LDB1: variants seen among roughly 807,000 people sequenced by gnomAD.
LDB1 encodes the protein LIM domain binding 1.
Under a neutral mutation model 49.7 loss-of-function variants are expected in LDB1, and 6 were observed. That is an observed-to-expected ratio of 0.12 (90% CI 0.07 to 0.24). The LOEUF (loss-of-function observed/expected upper bound fraction) is 0.24. Ranked by LOEUF, LDB1 falls within the 10% of genes least tolerant of loss-of-function variation. LDB1 has a pLI of 1.00. For missense variants in LDB1, 341 were observed against 561.7 expected (o/e 0.61, Z 3.97); for synonymous variants, 233 against 202.0 (o/e 1.15, Z -1.30).
chr10:102,108,393 C>G, intron 10 of LDB1, 70 bp from the exon 11 acceptor site: 1 of 1,214,996 alleles, frequency 8.2e-7, no homozygotes, highest in Non-Finnish European at 1.2e-6. Context: ...GCAGATACCC[C>G]CAGAGCCCCA....
intron 1 of LDB1, among the ~76,000 whole-genome samples, chr10:102,112,116 G>A (rs1179767916): frequency 1.3e-5 from 2 of 152,222 alleles, no homozygotes; most frequent in African/African-American, 2.4e-5. Context: ...CTAGATGACA[G>A]AAGAGGAATT....
intron 1 of LDB1, among the ~76,000 whole-genome samples, chr10:102,111,801 A>G (rs1209090843): frequency 6.6e-6 from 1 of 152,150 alleles, no homozygotes; most frequent in African/African-American, 2.4e-5. Flanking sequence ...AAGTGAGCGG[A>G]GATCATACCA....
At chr10:102,105,389 G>C (rs995813912), downstream of LDB1, among the ~76,000 whole-genome samples, 6 of 152,114 alleles carry the variant, frequency 3.9e-5, no homozygotes, top group Non-Finnish European at 4.4e-5. Flanking sequence ...CCCTTCCTCT[G>C]GTGTCTTCCT....
At chr10:102,114,974 G>C in intron 1 of LDB1, 1 of 426,942 alleles carries the variant, frequency 2.3e-6, no homozygotes, top group Non-Finnish European at 3.1e-6. Context: ...CTCCCTCCCC[G>C]CTCGCTCTCT....
intron 1 of LDB1, among the ~76,000 whole-genome samples, chr10:102,111,965 G>A (rs2133513985): frequency 6.6e-6 from 1 of 152,026 alleles, no homozygotes; most frequent in East Asian, 1.9e-4. Flanking sequence ...AGAGAGTGGT[G>A]GACTAGGGGA....
At chr10:102,114,744 TTCCTCTCTCC>T in intron 1 of LDB1, 2 of 838,776 alleles carry the variant, frequency 2.4e-6, no homozygotes, top group Non-Finnish European at 2.9e-6. Context: ...GCTCCGCTCT[TTCCTCTCTCC>T]TCCTCCTCCT....
chr10:102,120,258 C>T lies in LDB1; in HGVS notation c.-148G>A, dbSNP rs2068400591. On this transcript the variant is annotated 5_prime_UTR_variant, in exon 1 of 11. Transcript: ENST00000673968. The stretch of plus-strand genomic sequence containing the variant: ...CGGCCTCGGCCCGGTGCGGGCGGCC[C>T]CTGGCTGCGGCGAGGGGCCTGTCAG... The T allele has an allele frequency of 1.0e-6, 1 of 983,180 alleles. No homozygotes were observed. The highest frequency in any genetic ancestry group is 6.3e-5 in the Admixed American group (1 of 15,986). 60.9% of individuals were successfully genotyped at this position (983,180 alleles called of 1,614,324 possible). A position where few individuals can be genotyped will look rare whatever the true frequency, so the allele number is the denominator to read the frequency against.
At chr10:102,105,955 T>C (rs2068155205), downstream of LDB1, among the ~76,000 whole-genome samples, 1 of 151,880 alleles carries the variant, frequency 6.6e-6, no homozygotes, top group Non-Finnish European at 1.5e-5. Context: ...CCAGCCTGGG[T>C]AATGGAGCAA....
intron 1 of LDB1, chr10:102,114,647 C>CGGGGGCCA (rs2068307415): frequency 1.1e-6 from 1 of 938,134 alleles, no homozygotes; most frequent in South Asian, 5.0e-5. Flanking sequence ...GGCCGGGGGC[C>CGGGGGCCA]GGGGGCCAGG....
In LDB1 at chr10:102,109,791, T is replaced by C; in HGVS notation, c.649-108A>G. ...ACTCCTGAGAGAGGATAGTCTCTTATTAAACCTGCTGTTCAGATGAAGAAA... is the reference window on the plus strand; with the variant it reads ...ACTCCTGAGAGAGGATAGTCTCTTACTAAACCTGCTGTTCAGATGAAGAAA... On this transcript the variant is annotated intron_variant, in intron 7 of 10. Transcript: ENST00000673968. The surrounding 1 kb of genome is among the most constrained non-coding windows in gnomAD (Gnocchi z 5.8). 6.5e-7 allele frequency: 1 copy of C among 1,549,012 alleles called. No individual in the cohort carries two copies. Among genetic ancestry groups the C allele is most frequent in the Non-Finnish European group, 8.9e-7 (1 of 1,126,180 alleles).
chr10:102,114,644 G>A (rs1051978759), intron 1 of LDB1: 2 of 978,852 alleles, frequency 2.0e-6, no homozygotes, highest in Non-Finnish European at 2.4e-6. Context: ...CTGGGCCGGG[G>A]GCCGGGGGCC....
At chr10:102,112,979 G>C (rs566196617) in intron 1 of LDB1, among the ~76,000 whole-genome samples, 2 of 152,234 alleles carry the variant, frequency 1.3e-5, no homozygotes, top group East Asian at 3.9e-4. Context: ...GGGAAACTGA[G>C]GCACAGGCCC....
intron 1 of LDB1, chr10:102,114,812 G>GGGGGGCCCCCCCCC: frequency 5.5e-5 from 51 of 929,750 alleles, no homozygotes; most frequent in Non-Finnish European, 6.0e-5. Flanking sequence ...CCTCCGAGCA[G>GGGGGGCCCCCCCCC]CCCGCCCGCC....
rs1213722822 is a variant in LDB1, at chr10:102,118,000, C to T, written c.25+2086G>A. 6.6e-6 allele frequency among the ~76,000 whole-genome samples: 1 copy of T among 152,040 alleles called. No homozygotes were observed. Among genetic ancestry groups the T allele is most frequent in the Non-Finnish European group, 1.5e-5 (1 of 68,000 alleles). On this transcript the variant is annotated intron_variant, in intron 1 of 10. Coordinates refer to ENST00000673968, the MANE Select transcript of LDB1 (RefSeq NM_001113407.3). The surrounding 1 kb of genome is among the most constrained non-coding windows in gnomAD (Gnocchi z 4.2). ...GGAGGAGCCCGGAGACAGCAGAACA[C>T]AAAGGAGAGACTCAGACAGGCAGGC...
rs1473710392 is a variant in LDB1, at chr10:102,106,856, CTTCCTTCTG to C, written c.*1228_*1236del. Among the ~76,000 whole-genome samples, 3 of 152,176 alleles carry C rather than the reference CTTCCTTCTG, an allele frequency of 2.0e-5. No individual in the cohort carries two copies. The highest frequency in any genetic ancestry group is 7.2e-5 in the African/African-American group (3 of 41,448). On this transcript the variant is annotated 3_prime_UTR_variant, in exon 11 of 11. Transcript: ENST00000673968. The stretch of plus-strand genomic sequence containing the variant: ...CGAGGATCCCGGCTGCCTCCTCCTC[CTTCCTTCTG>C]TGAGGAAGGAGCGGCAGGGGATACT...
chr10:102,104,861 G>A (rs1288585878), downstream of LDB1, among the ~76,000 whole-genome samples: 1 of 152,004 alleles, frequency 6.6e-6, no homozygotes, highest in Admixed American at 6.6e-5. Flanking sequence ...CCTCATTTAC[G>A]GATTTATAGC....
intron 1 of LDB1, chr10:102,114,812 G>GGGGGGCCCCC: frequency 6.7e-5 from 62 of 929,732 alleles, no homozygotes; most frequent in East Asian, 1.2e-4. Context: ...CCTCCGAGCA[G>GGGGGGCCCCC]CCCGCCCGCC....
chr10:102,109,565 G>T lies in LDB1; in HGVS notation c.732+35C>A. The T allele has an allele frequency of 6.2e-7, 1 of 1,614,040 alleles. No individual in the cohort carries two copies. Among genetic ancestry groups the T allele is most frequent in the South Asian group, 1.1e-5 (1 of 91,054 alleles). On this transcript the variant is annotated intron_variant, in intron 8 of 10. Coordinates refer to ENST00000673968, the MANE Select transcript of LDB1 (RefSeq NM_001113407.3). The surrounding 1 kb of genome is among the most constrained non-coding windows in gnomAD (Gnocchi z 5.8). Reference sequence around the variant, plus strand: ...GACAGACATGGAGCCGAGACTAAATGGACTGGGGCAGAAACTGGGTGGTCG... The same window carrying T: ...GACAGACATGGAGCCGAGACTAAATTGACTGGGGCAGAAACTGGGTGGTCG...
chr10:102,111,247 T>A lies in LDB1; in HGVS notation c.173+9A>T, dbSNP rs1486814256. On this transcript the variant is annotated intron_variant, in intron 3 of 10. Transcript: ENST00000673968. Reference sequence around the variant, plus strand: ...GAAAGCACCTTCTTCCCCACTGGACTCCACTTACCCAATCCCTGGCTCCAG... The same window carrying A: ...GAAAGCACCTTCTTCCCCACTGGACACCACTTACCCAATCCCTGGCTCCAG... 1.2e-6 allele frequency: 2 copies of A among 1,614,108 alleles called. No individual in the cohort carries two copies. The highest frequency in any genetic ancestry group is 4.5e-5 in the East Asian group (2 of 44,878).
Sources: gnomAD v4.1 joint callset for allele counts (sites outside exome capture counted in the v4.1 genomes callset) on GRCh38, gnomAD v4.1.1 for gene constraint, Gnocchi (gnomAD v3.1) non-coding constraint, MANE v1.5 for transcripts, NCBI Gene and HGNC (gene_info 2026-07-23, HGNC 2026-07-21) for gene names.